PABPC4L: variants seen among roughly 807,000 people sequenced by gnomAD.
PABPC4L encodes the protein polyadenylate-binding protein 4-like.
For synonymous variants in PABPC4L, 169 were observed against 164.1 expected (o/e 1.03, Z -0.23); for missense variants, 452 against 451.4 (o/e 1.00, Z -0.01).
the PABPC4L span, among the ~76,000 whole-genome samples, chr4:133,964,834 A>G: frequency 1.3e-4 from 20 of 152,270 alleles, no homozygotes; most frequent in East Asian, 9.6e-4. Context: ...AATAAAAGCC[A>G]TCTATGACAA....
the PABPC4L span, among the ~76,000 whole-genome samples, chr4:134,004,343 C>T: frequency 2.6e-5 from 4 of 151,862 alleles, no homozygotes; most frequent in African/African-American, 9.7e-5. Flanking sequence ...CCTGAATAGA[C>T]ATTTCCCAAA....
At chr4:134,035,356 C>G in the PABPC4L span, among the ~76,000 whole-genome samples, 1 of 151,854 alleles carries the variant, frequency 6.6e-6, no homozygotes, top group African/African-American at 2.4e-5. Context: ...GATATGCCTC[C>G]ATATTAATTT....
At chr4:134,172,014 A>T in the PABPC4L span, among the ~76,000 whole-genome samples, 1 of 152,120 alleles carries the variant, frequency 6.6e-6, no homozygotes, top group Non-Finnish European at 1.5e-5. Context: ...AAAAAATCAA[A>T]GATGACATGA....
chr4:133,961,476 C>G, the PABPC4L span, among the ~76,000 whole-genome samples: 1 of 152,126 alleles, frequency 6.6e-6, no homozygotes, highest in Non-Finnish European at 1.5e-5. Flanking sequence ...AGAGAGCTCA[C>G]TAAAATGCTA....
chr4:133,966,854 G>A, the PABPC4L span, among the ~76,000 whole-genome samples: 2 of 152,110 alleles, frequency 1.3e-5, no homozygotes, highest in African/African-American at 2.4e-5. Flanking sequence ...GCAATGAGAA[G>A]CTTTTGAAAT....
chr4:134,029,726 G>T, the PABPC4L span, among the ~76,000 whole-genome samples: 1 of 150,778 alleles, frequency 6.6e-6, no homozygotes, highest in Non-Finnish European at 1.5e-5. Flanking sequence ...TTTAATTCTG[G>T]ACATTTATAT....
chr4:134,185,792 G>A, the PABPC4L span, among the ~76,000 whole-genome samples: 7 of 152,056 alleles, frequency 4.6e-5, no homozygotes, highest in East Asian at 1.9e-4. Context: ...AAACCCCATC[G>A]TCTCAACCCA....
At chr4:134,138,126 T>A in the PABPC4L span, among the ~76,000 whole-genome samples, 15 of 151,870 alleles carry the variant, frequency 9.9e-5, no homozygotes, top group African/African-American at 3.6e-4. Context: ...CATTAAAGTC[T>A]GCATCTTTAA....
At chr4:134,140,168 A>G in the PABPC4L span, among the ~76,000 whole-genome samples, 1 of 151,808 alleles carries the variant, frequency 6.6e-6, no homozygotes, top group African/African-American at 2.4e-5. Context: ...TGAAGACCAT[A>G]GCTAACAGTA....
chr4:134,039,792 T>G, the PABPC4L span, among the ~76,000 whole-genome samples: 3 of 151,974 alleles, frequency 2.0e-5, no homozygotes, highest in African/African-American at 7.2e-5. Flanking sequence ...CAGTCTTTGT[T>G]TTTTAAATGG....
chr4:134,177,565 G>A, the PABPC4L span, among the ~76,000 whole-genome samples: 1,047 of 152,130 alleles, frequency 6.9e-3, 14 homozygotes, highest in African/African-American at 0.024. Flanking sequence ...TGACCACACC[G>A]GCCCTCACTA....
the PABPC4L span, among the ~76,000 whole-genome samples, chr4:134,135,797 C>T: frequency 1.3e-5 from 2 of 152,068 alleles, no homozygotes; most frequent in East Asian, 1.9e-4. Context: ...AGCACCATTG[C>T]ACTCCAGCCT....
the PABPC4L span, among the ~76,000 whole-genome samples, chr4:133,995,934 T>C: frequency 6.6e-6 from 1 of 152,140 alleles, no homozygotes; most frequent in African/African-American, 2.4e-5. Flanking sequence ...TGGCTCCCTT[T>C]TCTCTAATTC....
chr4:134,101,051 T>C, the PABPC4L span, among the ~76,000 whole-genome samples: 2 of 151,460 alleles, frequency 1.3e-5, no homozygotes, highest in Admixed American at 6.6e-5. Context: ...ATCTGACATA[T>C]TGGATCAGCT....
At chr4:134,166,384 T>A in the PABPC4L span, among the ~76,000 whole-genome samples, 1 of 152,198 alleles carries the variant, frequency 6.6e-6, no homozygotes, top group African/African-American at 2.4e-5. Flanking sequence ...AAAATAGTTA[T>A]CTGCTTCCTG....
the PABPC4L span, among the ~76,000 whole-genome samples, chr4:133,966,330 C>A: frequency 4.6e-5 from 7 of 151,702 alleles, no homozygotes; most frequent in Non-Finnish European, 8.9e-5. Context: ...GGTCTGGATG[C>A]CAGGGAACAC....
chr4:134,059,534 C>A, the PABPC4L span, among the ~76,000 whole-genome samples: 6 of 150,890 alleles, frequency 4.0e-5, no homozygotes, highest in Non-Finnish European at 8.9e-5. Flanking sequence ...AGTTTATGTT[C>A]ACCTATATAC....
At chr4:133,966,815 G>A in the PABPC4L span, among the ~76,000 whole-genome samples, 2 of 152,070 alleles carry the variant, frequency 1.3e-5, no homozygotes, top group African/African-American at 4.8e-5. Flanking sequence ...GGGTAGGGTG[G>A]GAGTGGGGCA....
At chr4:133,956,368 TAGCAA>T in the PABPC4L span, among the ~76,000 whole-genome samples, 50 of 152,182 alleles carry the variant, frequency 3.3e-4, no homozygotes, top group Non-Finnish European at 5.7e-4. Flanking sequence ...CATGAAAAGA[TAGCAA>T]AAGGAGAGGA....
Sources: allele counts gnomAD v4.1 joint callset (sites outside exome capture counted in the v4.1 genomes callset), GRCh38; gene constraint gnomAD v4.1.1; transcripts MANE v1.5; gene names NCBI Gene and HGNC (gene_info 2026-07-23, HGNC 2026-07-21).